The following RLN2 variants were observed in gnomAD, a reference collection of about 807,000 sequenced individuals.
The protein encoded by RLN2 is prorelaxin H2.
Under a neutral mutation model 7.3 loss-of-function variants are expected in RLN2, and 10 were observed. That is an observed-to-expected ratio of 1.36 (90% CI 0.84 to 2.31). RLN2 has a LOEUF of 2.31. Among genes scored for constraint, RLN2 ranks in the 30% most tolerant of loss-of-function variants. The pLI is 0.00. For missense variants in RLN2, 298 were observed against 217.6 expected (o/e 1.37, Z -2.32); for synonymous variants, 103 against 82.3 (o/e 1.25, Z -1.36).
chr9:5,301,364 T>C (rs1236544069), intron 1 of RLN2, among the ~76,000 whole-genome samples: 1 of 152,222 alleles, frequency 6.6e-6, no homozygotes, highest in Non-Finnish European at 1.5e-5. Flanking sequence ...TGAACATTCA[T>C]TACCTGTTTC....
the RLN2 span, among the ~76,000 whole-genome samples, chr9:5,333,224 A>C: frequency 6.6e-6 from 1 of 152,066 alleles, no homozygotes; most frequent in Admixed American, 6.5e-5. Context: ...AGATGACAGA[A>C]GGAAATACCA....
chr9:5,306,352 C>G (rs1043404038), upstream of RLN2, among the ~76,000 whole-genome samples: 2 of 151,792 alleles, frequency 1.3e-5, no homozygotes, highest in African/African-American at 4.8e-5. Context: ...AGGTGATGCA[C>G]CCACCTTGGC....
chr9:5,307,252 TGATA>T (rs148921093), upstream of RLN2, among the ~76,000 whole-genome samples: 191 of 143,962 alleles, frequency 1.3e-3, 1 homozygote, highest in Non-Finnish European at 2.4e-3. Context: ...GATAGATAGA[TGATA>T]GATAGATAGA....
the RLN2 span, among the ~76,000 whole-genome samples, chr9:5,331,911 TTGAC>T: frequency 5.3e-3 from 801 of 152,158 alleles, 12 homozygotes; most frequent in African/African-American, 0.018. Context: ...GTATTTATCC[TTGAC>T]TAAGTAATTC....
the RLN2 span, among the ~76,000 whole-genome samples, chr9:5,312,032 T>C: frequency 6.6e-6 from 1 of 151,992 alleles, no homozygotes; most frequent in African/African-American, 2.4e-5. Flanking sequence ...AGCTATGTTG[T>C]TAGCACACAG....
the RLN2 span, among the ~76,000 whole-genome samples, chr9:5,316,398 C>T: frequency 0.022 from 3,414 of 151,824 alleles, 147 homozygotes; most frequent in African/African-American, 0.078. Context: ...ACCATCAACC[C>T]GATATCTACA....
the RLN2 span, among the ~76,000 whole-genome samples, chr9:5,328,715 G>A: frequency 2.0e-5 from 3 of 151,882 alleles, no homozygotes; most frequent in Non-Finnish European, 4.4e-5. Flanking sequence ...CGGATCTCTC[G>A]GCAGAAACTC....
the RLN2 span, among the ~76,000 whole-genome samples, chr9:5,326,951 C>T: frequency 1.3e-5 from 2 of 152,024 alleles, no homozygotes; most frequent in African/African-American, 4.8e-5. Context: ...ATAGGAACAG[C>T]TCCAGTCTGC....
At chr9:5,334,340 T>G in the RLN2 span, among the ~76,000 whole-genome samples, 1 of 151,998 alleles carries the variant, frequency 6.6e-6, no homozygotes, top group Admixed American at 6.6e-5. Context: ...AAAATCAAAT[T>G]TACAGACATT....
At chr9:5,310,814 A>G in the RLN2 span, among the ~76,000 whole-genome samples, 140 of 152,242 alleles carry the variant, frequency 9.2e-4, no homozygotes, top group Non-Finnish European at 1.6e-3. Flanking sequence ...TTAAACAGAA[A>G]CATACACTAA....
chr9:5,300,873 C>T (rs1387322402), intron 1 of RLN2, among the ~76,000 whole-genome samples: 16 of 152,164 alleles, frequency 1.1e-4, no homozygotes, highest in South Asian at 8.3e-4. Flanking sequence ...GTAATAGTAA[C>T]CCTTGAAAAA....
Position 5,302,926 on chromosome 9 carries a change from T to C in RLN2, c.211+1444A>G, listed in dbSNP as rs530330673. On this transcript the variant is annotated intron_variant, in intron 1 of 1. Transcript: ENST00000381627. The stretch of plus-strand genomic sequence containing the variant: ...TTACTTGTTTAATATAATTTCATTT[T>C]CTCATAAAATTCACATATACTTTTC... Among the ~76,000 whole-genome samples, 975 of 145,004 alleles carry C rather than the reference T, an allele frequency of 6.7e-3. 15 individuals carry two copies. The highest frequency in any genetic ancestry group is 0.024 in the African/African-American group (918 of 38,876).
At chr9:5,331,129 C>T in the RLN2 span, among the ~76,000 whole-genome samples, 1 of 151,948 alleles carries the variant, frequency 6.6e-6, no homozygotes, top group African/African-American at 2.4e-5. Context: ...CAAAAAATGT[C>T]CAGGACCAGA....
At chr9:5,325,698 G>T in the RLN2 span, among the ~76,000 whole-genome samples, 5 of 151,944 alleles carry the variant, frequency 3.3e-5, no homozygotes, top group African/African-American at 1.2e-4. Flanking sequence ...TATTCACTTC[G>T]GTTTGATGTA....
chr9:5,337,932 C>CA, the RLN2 span, among the ~76,000 whole-genome samples: 69 of 151,980 alleles, frequency 4.5e-4, no homozygotes, highest in African/African-American at 8.0e-4. Context: ...AGATTTATGA[C>CA]AAAAATACTA....
At chr9:5,337,320 G>A in the RLN2 span, among the ~76,000 whole-genome samples, 2 of 151,972 alleles carry the variant, frequency 1.3e-5, no homozygotes, top group Non-Finnish European at 2.9e-5. Context: ...TTATTCATAG[G>A]CTGTGTGTTT....
the RLN2 span, among the ~76,000 whole-genome samples, chr9:5,334,810 G>A: frequency 7.9e-5 from 12 of 152,026 alleles, no homozygotes; most frequent in Non-Finnish European, 1.3e-4. Flanking sequence ...GGTTTGCAAT[G>A]AGTAGTTCAA....
At chr9:5,312,289 A>C in the RLN2 span, among the ~76,000 whole-genome samples, 2 of 152,076 alleles carry the variant, frequency 1.3e-5, no homozygotes, top group Admixed American at 6.5e-5. Context: ...TAACTCCCTT[A>C]AGCCTAGACA....
chr9:5,324,263 T>A, the RLN2 span, among the ~76,000 whole-genome samples: 1 of 152,018 alleles, frequency 6.6e-6, no homozygotes, highest in Non-Finnish European at 1.5e-5. Context: ...ACAGATAGAT[T>A]TTCCAAGAGA....
Sources: allele counts gnomAD v4.1 joint callset (sites outside exome capture counted in the v4.1 genomes callset), GRCh38; gene constraint gnomAD v4.1.1; transcripts MANE v1.5; gene names NCBI Gene and HGNC (gene_info 2026-07-23, HGNC 2026-07-21).